Variants in PTGR2 observed in about 807,000 individuals in gnomAD.
The protein encoded by PTGR2 is 15-oxoprostaglandin 13-reductase.
In PTGR2, 32 loss-of-function variants were observed where a neutral mutation model predicts 43.4. The observed-to-expected ratio is 0.74, with a 90% confidence interval of 0.56 to 0.99. The LOEUF is 0.99. Among genes scored for constraint, PTGR2 ranks in the 50% least tolerant of loss-of-function variants. The pLI is 0.00. For synonymous variants in PTGR2, 106 were observed against 139.2 expected (o/e 0.76, Z 1.68); for missense variants, 373 against 420.0 (o/e 0.89, Z 0.98).
intron 8 of PTGR2, 38 bp downstream of exon 8, chr14:73,881,330 C>A: frequency 8.3e-7 from 1 of 1,211,856 alleles, no homozygotes; most frequent in Non-Finnish European, 1.2e-6. Flanking sequence ...ATTCTTCCTG[C>A]TACTTGATAT....
chr14:73,855,178 TATCTTTGAAC>T (rs1213266546), intron 1 of PTGR2, among the ~76,000 whole-genome samples: 1 of 152,228 alleles, frequency 6.6e-6, no homozygotes, highest in Admixed American at 6.5e-5. Context: ...TGTAAAAAGA[TATCTTTGAAC>T]ATCCTGAAAC....
chr14:73,877,355 C>T, intron 5 of PTGR2, 187 bp downstream of exon 5: 1 of 478,682 alleles, frequency 2.1e-6, no homozygotes, highest in Non-Finnish European at 3.7e-6. Flanking sequence ...ACCTCCGCCT[C>T]CTGGGTTCAA....
chr14:73,878,727 C>A, intron 5 of PTGR2: 1 of 380,528 alleles, frequency 2.6e-6, no homozygotes, highest in South Asian at 2.3e-5. Flanking sequence ...GATGATTTTG[C>A]CCAGCCATAA....
rs35651032 is a variant in PTGR2 at position 73,882,800 on chromosome 14, C to CTTTTTTTTTT, written c.979+391_979+400dup. Among the ~76,000 whole-genome samples the CTTTTTTTTTT allele has an allele frequency of 1.9e-4, 8 of 41,868 alleles. 1 individual carries two copies. The highest frequency in any genetic ancestry group is 2.0e-3 in the South Asian group (2 of 992). The allele number at this position is 41,868 out of a possible 152,430, so 27.5% of individuals were successfully genotyped here. A position where few individuals can be genotyped will look rare whatever the true frequency, so the allele number is the denominator to read the frequency against. On this transcript the variant is annotated intron_variant, in intron 9 of 9. Coordinates refer to ENST00000555661, the MANE Select transcript of PTGR2 (RefSeq NM_001146154.2). Reference sequence around the variant, plus strand: ...CAAGCGTGAGCCACCACGCCTGGCCCTTTTTTTTTTTTTTTTTTTTTTTTT... The same window carrying CTTTTTTTTTT: ...CAAGCGTGAGCCACCACGCCTGGCCCTTTTTTTTTTTTTTTTTTTTTTTTTTTTTTTTTTT...
At chr14:73,872,197 G>A (rs1399517782) in intron 3 of PTGR2, among the ~76,000 whole-genome samples, 1 of 152,178 alleles carries the variant, frequency 6.6e-6, no homozygotes, top group Non-Finnish European at 1.5e-5. Context: ...CAGTCCCATT[G>A]TGACATTCTG....
intron 9 of PTGR2, among the ~76,000 whole-genome samples, chr14:73,882,943 A>G (rs1183546740): frequency 7.1e-6 from 1 of 140,402 alleles, no homozygotes; most frequent in Non-Finnish European, 1.5e-5. Context: ...GCCTCAGTCT[A>G]CCAAGTAGCT....
At position 73,879,167 on chromosome 14, in the gene PTGR2, C is replaced by T. The variant is rs774150771; in HGVS notation, c.591C>T (p.Thr197=). 59 of 1,613,934 alleles carry T rather than the reference C, an allele frequency of 3.7e-5. No homozygotes were observed. The highest frequency in any genetic ancestry group is 4.6e-5 in the Non-Finnish European group (54 of 1,180,022). ...CACATGAGAAATGCATCCTCTTGAC[C>T]TCAGAACTGGGCTTTGATGCTGCAA... ...CGTHEKCILL[T]SELGFDAAIN... Residue 197 remains threonine (T), a synonymous_variant, in exon 6 of 10, where the codon ACC becomes ACT. Coordinates refer to ENST00000555661, the MANE Select transcript of PTGR2 (RefSeq NM_001146154.2).
intron 2 of PTGR2, among the ~76,000 whole-genome samples, chr14:73,860,156 T>G (rs2054455252): frequency 6.6e-6 from 1 of 152,008 alleles, no homozygotes; most frequent in Non-Finnish European, 1.5e-5. Flanking sequence ...CCCTTGTGCC[T>G]GTTTTAAAAG....
chr14:73,859,917 C>T lies in PTGR2; in HGVS notation c.38-622C>T, dbSNP rs865897754. On this transcript the variant is annotated intron_variant, in intron 2 of 9. Coordinates refer to ENST00000555661, the MANE Select transcript of PTGR2 (RefSeq NM_001146154.2). ...GCTCTGTCATGCAGTGGCACAATCT[C>T]GGCTCAGTGCAACTTCCACCTCCCG... Among the ~76,000 whole-genome samples the T allele has an allele frequency of 6.7e-5, 10 of 150,178 alleles. No homozygotes were observed. The South Asian group carries it at 8.4e-4, about 13-fold the overall frequency.
chr14:73,853,740 C>A (rs2054282873), intron 1 of PTGR2, among the ~76,000 whole-genome samples: 1 of 152,060 alleles, frequency 6.6e-6, no homozygotes, highest in Non-Finnish European at 1.5e-5. Context: ...CAGTTCCTGG[C>A]ATTTAGGAAT....
chr14:73,880,790 G>A (rs1049978919), intron 7 of PTGR2, among the ~76,000 whole-genome samples: 2 of 151,948 alleles, frequency 1.3e-5, no homozygotes, highest in Non-Finnish European at 2.9e-5. Context: ...TGTAGATACT[G>A]GGCAGACAAA....
At chr14:73,862,308 C>G (rs1040102735) in intron 3 of PTGR2, among the ~76,000 whole-genome samples, 1 of 151,800 alleles carries the variant, frequency 6.6e-6, no homozygotes, top group East Asian at 1.9e-4. Flanking sequence ...CCCGGGTTCA[C>G]GCCATTCTCC....
rs1482112754 is a variant in PTGR2 at position 73,884,657 on chromosome 14, T to C, written c.*480T>C. The C allele has an allele frequency of 6.5e-6, 1 of 154,220 alleles. No individual in the cohort carries two copies. The highest frequency in any genetic ancestry group is 1.4e-5 in the Non-Finnish European group (1 of 69,862). 9.6% of individuals were successfully genotyped at this position (154,220 alleles called of 1,614,324 possible). A position where few individuals can be genotyped will look rare whatever the true frequency, so the allele number is the denominator to read the frequency against. On this transcript the variant is annotated 3_prime_UTR_variant, in exon 10 of 10. Coordinates refer to ENST00000555661, the MANE Select transcript of PTGR2 (RefSeq NM_001146154.2). ...AAATAGAATTGAGATGGCCTTTTTT[T>C]CACATTGTAGACTGAAAAGAGACTT... is the stretch of plus-strand genomic sequence containing the variant.
At chr14:73,856,679 A>G (rs11628320) in intron 1 of PTGR2, among the ~76,000 whole-genome samples, 74,049 of 151,682 alleles carry the variant, frequency 0.49, 18,241 homozygotes, top group South Asian at 0.61. Flanking sequence ...TTTGTACCGT[A>G]GAAGTTATAA....
rs2054232161 is a variant in PTGR2 at position 73,851,899 on chromosome 14, T to C, written c.-92T>C. ...AGCTGGGGTCGTGCAGTACAGCCTC[T>C]TTCCGGCAAATCACGCGAGATTTCG... On this transcript the variant is annotated 5_prime_UTR_variant, in exon 1 of 10. Transcript: ENST00000555661. The C allele has an allele frequency of 6.6e-6, 1 of 152,238 alleles. No homozygotes were observed. The highest frequency in any genetic ancestry group is 1.5e-5 in the Non-Finnish European group (1 of 68,084). 9.4% of individuals were successfully genotyped at this position (152,238 alleles called of 1,614,324 possible). A position where few individuals can be genotyped will look rare whatever the true frequency, so the allele number is the denominator to read the frequency against.
At chr14:73,865,714 T>TG (rs1384134107) in intron 3 of PTGR2, among the ~76,000 whole-genome samples, 1 of 151,436 alleles carries the variant, frequency 6.6e-6, no homozygotes, top group Non-Finnish European at 1.5e-5. Flanking sequence ...CTTTTGCAAG[T>TG]GAATATACAG....
chr14:73,877,241 T>G, intron 5 of PTGR2, 73 bp downstream of exon 5: 1 of 1,309,296 alleles, frequency 7.6e-7, no homozygotes, highest in Non-Finnish European at 1.1e-6. Context: ...AAATTCCGGA[T>G]ATATGTATAC....
At chr14:73,855,601 A>G (rs917769489) in intron 1 of PTGR2, among the ~76,000 whole-genome samples, 1 of 151,486 alleles carries the variant, frequency 6.6e-6, no homozygotes, top group African/African-American at 2.4e-5. Context: ...GTGCACCACC[A>G]TGCCTGGCTG....
rs367720137 is a variant in PTGR2 at position 73,857,755 on chromosome 14, G to A, written c.-47-1061G>A. Reference sequence around the variant, plus strand: ...GCGATCTCGGCTCACTGCAAGCTCCGCCTCCCGGGTCCACGCCATTCTCCT... The same window carrying A: ...GCGATCTCGGCTCACTGCAAGCTCCACCTCCCGGGTCCACGCCATTCTCCT... On this transcript the variant is annotated intron_variant, in intron 1 of 9. Transcript: ENST00000555661. 1.0e-4 allele frequency among the ~76,000 whole-genome samples: 13 copies of A among 129,344 alleles called. No homozygotes were observed. The East Asian group carries it at 3.5e-3, about 35-fold the overall frequency. 84.9% of individuals were successfully genotyped at this position (129,344 alleles called of 152,430 possible). A position where few individuals can be genotyped will look rare whatever the true frequency, so the allele number is the denominator to read the frequency against.
Sources: gnomAD v4.1 joint callset for allele counts (sites outside exome capture counted in the v4.1 genomes callset) on GRCh38, gnomAD v4.1.1 for gene constraint, MANE v1.5 for transcripts, NCBI Gene and HGNC (gene_info 2026-07-23, HGNC 2026-07-21) for gene names.